The following PLEKHG4B variants were observed in gnomAD, a reference collection of about 807,000 sequenced individuals.
PLEKHG4B encodes the protein pleckstrin homology domain-containing family G member 4B.
Under a neutral mutation model 121.3 loss-of-function variants are expected in PLEKHG4B, and 111 were observed. That is an observed-to-expected ratio of 0.92 (90% confidence interval 0.78 to 1.07). The LOEUF (loss-of-function observed/expected upper bound fraction) is 1.07, where lower values mean the gene tolerates loss of function less well. Among genes scored for constraint, PLEKHG4B ranks in the 50% least tolerant of loss-of-function variants. PLEKHG4B has a pLI of 0.00. For synonymous variants in PLEKHG4B, 738 were observed against 725.0 expected, an observed-to-expected ratio of 1.02 and a Z score of -0.29; for missense variants, 1,831 against 1,757.8, an observed-to-expected ratio of 1.04 and a Z score of -0.74.
intron 2 of PLEKHG4B, among the ~76,000 whole-genome samples, chr5:135,681 AAATATATATATATATATAT>A (rs1274737942): frequency 3.1e-4 from 12 of 38,678 alleles, no homozygotes; most frequent in East Asian, 1.3e-3. Context: ...AAAAAAAAAA[AAATATATATATATATATAT>A]ATATATATAT....
chr5:134,777 A>AAAG (rs55644818), intron 2 of PLEKHG4B, among the ~76,000 whole-genome samples: 15,937 of 146,702 alleles, frequency 0.11, 1,978 homozygotes, highest in African/African-American at 0.31. Flanking sequence ...AAAAAAAAAA[A>AAAG]AAAAGAAAAG....
chr5:142,671 C>A (rs1735256587), intron 3 of PLEKHG4B, among the ~76,000 whole-genome samples: 1 of 152,120 alleles, frequency 6.6e-6, no homozygotes, highest in Non-Finnish European at 1.5e-5. Flanking sequence ...ATGCCTCACA[C>A]AATCACACGT....
rs1198645437 is a variant in PLEKHG4B at position 137,947 on chromosome 5, G to T, written c.244-1536G>T. On this transcript the variant is annotated intron_variant, in intron 2 of 19. Coordinates refer to ENST00000637938, the MANE Select transcript of PLEKHG4B (RefSeq NM_052909.5). The surrounding 1 kb of genome is among the most constrained non-coding windows in gnomAD (Gnocchi z 4.2). ...TCCTCAGGCCGCCTCGCAGCGTCTG[G>T]GGAGGGTGTCAAGGAGCCGCTTCTT... Among the ~76,000 whole-genome samples, 3 of 152,246 alleles carry T rather than the reference G, an allele frequency of 2.0e-5. No individual in the cohort carries two copies. The highest frequency in any genetic ancestry group is 2.9e-5 in the Non-Finnish European group (2 of 68,042).
In PLEKHG4B at chr5:164,939, C is replaced by T. The variant is rs549785248; in HGVS notation, c.3476+1391C>T. Among the ~76,000 whole-genome samples, 30 of 49,086 alleles carry T rather than the reference C, an allele frequency of 6.1e-4. 8 individuals are homozygous for T. Among genetic ancestry groups the T allele is most frequent in the African/African-American group, 1.8e-3 (23 of 12,684 alleles). The allele number at this position is 49,086 out of a possible 152,430, so 32.2% of individuals were successfully genotyped here. A position where few individuals can be genotyped will look rare whatever the true frequency, so the allele number is the denominator to read the frequency against. On this transcript the variant is annotated intron_variant, in intron 13 of 19. Coordinates refer to ENST00000637938, the MANE Select transcript of PLEKHG4B (RefSeq NM_052909.5). ...GGCGGAGCTCACACTAATGCTGTGA[C>T]GGGGCGGGGCTTACACACTAATGCT...
intron 2 of PLEKHG4B, among the ~76,000 whole-genome samples, chr5:115,519 C>T (rs1329220819): frequency 6.6e-6 from 1 of 152,200 alleles, no homozygotes; most frequent in Non-Finnish European, 1.5e-5. Flanking sequence ...ATTGACTTTG[C>T]CTCTCTAGCT....
chr5:171,899 C>T (rs945996948), intron 16 of PLEKHG4B, among the ~76,000 whole-genome samples: 4 of 152,332 alleles, frequency 2.6e-5, no homozygotes, highest in East Asian at 1.9e-4. Flanking sequence ...TGCTGCTGCC[C>T]GCGACCGGCT....
chr5:151,732 C>A, intron 7 of PLEKHG4B, 133 bp downstream of exon 7: 2 of 566,732 alleles, frequency 3.5e-6, no homozygotes, highest in South Asian at 7.5e-5. Context: ...AACCTACTTC[C>A]TACCCCGTAA....
At position 139,892 on chromosome 5, in the gene PLEKHG4B, A is replaced by C; in HGVS notation, c.653A>C (p.Glu218Ala). Reference sequence around the variant, plus strand: ...AGCTACTCCAGCTGCACAGGTCCTGAGCGGCTGCCCAGCAGCCCCTCAGAG... The same window carrying C: ...AGCTACTCCAGCTGCACAGGTCCTGCGCGGCTGCCCAGCAGCCCCTCAGAG... ...LQSYSSCTGPERLPSSPSEAP... is the reference protein window; with the variant it reads ...LQSYSSCTGPARLPSSPSEAP... The change falls in exon 3 of 20, where the codon GAG becomes GCG. Residue 218 changes from glutamate to alanine, a missense_variant. Physicochemically the swap from Glu to Ala is moderately radical, Grantham distance 107. Transcript: ENST00000637938. The surrounding 1 kb of genome is among the most constrained non-coding windows in gnomAD (Gnocchi z 5.0). 1 of 402,824 alleles carries C rather than the reference A, an allele frequency of 2.5e-6. No individual in the cohort carries two copies. Among genetic ancestry groups the C allele is most frequent in the East Asian group, 3.6e-5 (1 of 28,068 alleles). 25.0% of individuals were successfully genotyped at this position (402,824 alleles called of 1,614,324 possible). A position where few individuals can be genotyped will look rare whatever the true frequency, so the allele number is the denominator to read the frequency against.
intron 2 of PLEKHG4B, among the ~76,000 whole-genome samples, chr5:134,494 G>A (rs979194793): frequency 6.6e-6 from 1 of 152,026 alleles, no homozygotes; most frequent in Non-Finnish European, 1.5e-5. Context: ...GTCCAGGCAT[G>A]GTGGGTCATG....
At chr5:102,681 T>C (rs1276403303) in intron 1 of PLEKHG4B, among the ~76,000 whole-genome samples, 1 of 152,248 alleles carries the variant, frequency 6.6e-6, no homozygotes, top group Non-Finnish European at 1.5e-5. Context: ...TGCAGAACGC[T>C]GAGCCAATTA....
At chr5:179,540 C>T (rs989715923) in intron 18 of PLEKHG4B, 3 of 152,682 alleles carry the variant, frequency 2.0e-5, no homozygotes, top group Admixed American at 6.5e-5. Flanking sequence ...ATGCTTCTGT[C>T]CCATCCACAG....
rs10042022 is a variant in PLEKHG4B at position 113,956 on chromosome 5, C to A, written c.243+508C>A. Among the ~76,000 whole-genome samples, 10,501 of 152,246 alleles carry A rather than the reference C, an allele frequency of 0.069. 657 individuals are homozygous for A. Among genetic ancestry groups the A allele is most frequent in the African/African-American group, 0.17 (6,986 of 41,524 alleles). ...CCAGACCAGCAAAGTAAGGCAGATA[C>A]CACGCTAATGCCAGACACACAAAGT... On this transcript the variant is annotated intron_variant, in intron 2 of 19. Transcript: ENST00000637938. The surrounding 1 kb of genome is among the most constrained non-coding windows in gnomAD (Gnocchi z 5.2).
Position 156,693 on chromosome 5 carries a change from G to T in PLEKHG4B, c.2349-80G>T. On this transcript the variant is annotated intron_variant, in intron 10 of 19. Coordinates refer to ENST00000637938, the MANE Select transcript of PLEKHG4B (RefSeq NM_052909.5). This position sits in a 1 kb window ranked among gnomAD's most constrained non-coding sequence, Gnocchi z 4.4. ...GGCATGAGGGAATGGAAAGAGCAGG[G>T]TTTTTATATGGGGTTGTCACCAAGA... The T allele has an allele frequency of 6.8e-7, 1 of 1,477,960 alleles. No individual in the cohort carries two copies. Among genetic ancestry groups the T allele is most frequent in the Non-Finnish European group, 9.0e-7 (1 of 1,107,500 alleles). The allele number at this position is 1,477,960 out of a possible 1,614,324, so 91.6% of individuals were successfully genotyped here.
rs143360196 is a variant in PLEKHG4B, at chr5:163,331, G to A, written c.3259G>A (p.Glu1087Lys). 9.3e-5 allele frequency: 150 copies of A among 1,613,400 alleles called. No homozygotes were observed. Among genetic ancestry groups the A allele is most frequent in the Middle Eastern group, 1.6e-4 (1 of 6,062 alleles). The change falls in exon 13 of 20, where the codon GAG (glutamate) becomes AAG (lysine). Residue 1087 changes from glutamate (E) to lysine (K), a missense_variant. By Grantham distance (56) the Glu-to-Lys change is moderately conservative. Transcript: ENST00000637938. ...KKMIKKTQSF[E>K]IPQPDSGPRD... ...AATGATAAAGAAAACGCAAAGTTTC[G>A]AGATACCTCAGCCCGACAGTGGCCC...
At chr5:122,651 A>G (rs1294817461) in intron 2 of PLEKHG4B, among the ~76,000 whole-genome samples, 1 of 152,002 alleles carries the variant, frequency 6.6e-6, no homozygotes, top group Non-Finnish European at 1.5e-5. Context: ...ATCTCCTGAC[A>G]TCAGGTGATC....
rs1370683859 is a variant in PLEKHG4B at position 113,831 on chromosome 5, A to G, written c.243+383A>G. Reference sequence around the variant, plus strand: ...GAGCTAAGTTACTGCAGCAGTAACAATGAAGGCCCACCTGGAAGGGATAGT... The same window carrying G: ...GAGCTAAGTTACTGCAGCAGTAACAGTGAAGGCCCACCTGGAAGGGATAGT... On this transcript the variant is annotated intron_variant, in intron 2 of 19. Transcript: ENST00000637938. The surrounding 1 kb of genome is among the most constrained non-coding windows in gnomAD (Gnocchi z 5.2). Among the ~76,000 whole-genome samples, 9 of 152,126 alleles carry G rather than the reference A, an allele frequency of 5.9e-5. No individual in the cohort carries two copies. Among genetic ancestry groups the G allele is most frequent in the African/African-American group, 1.7e-4 (7 of 41,434 alleles).
intron 1 of PLEKHG4B, among the ~76,000 whole-genome samples, chr5:94,288 C>T (rs752282904): frequency 1.3e-5 from 2 of 152,374 alleles, no homozygotes; most frequent in African/African-American, 2.4e-5. Context: ...CCTGGCAGGG[C>T]AGGTGCTCCC....
intron 1 of PLEKHG4B, among the ~76,000 whole-genome samples, chr5:95,475 C>G (rs951861186): frequency 5.9e-5 from 9 of 152,200 alleles, no homozygotes; most frequent in Admixed American, 2.0e-4. Flanking sequence ...CTTCGCCATG[C>G]CCTGTCTCTT....
intron 2 of PLEKHG4B, among the ~76,000 whole-genome samples, chr5:115,073 G>A (rs908007806): frequency 6.6e-6 from 1 of 152,180 alleles, no homozygotes; most frequent in African/African-American, 2.4e-5. Flanking sequence ...CACTCTCTAT[G>A]GCAGCTATAG....
Sources: gnomAD v4.1 joint callset for allele counts (sites outside exome capture counted in the v4.1 genomes callset) on GRCh38, gnomAD v4.1.1 for gene constraint, Gnocchi (gnomAD v3.1) non-coding constraint, MANE v1.5 for transcripts, NCBI Gene and HGNC (gene_info 2026-07-23, HGNC 2026-07-21) for gene names.